The following LMTK2 variants were observed in gnomAD, a reference collection of about 807,000 sequenced individuals.
LMTK2 encodes the protein lemur tail kinase 2, also known as serine/threonine-protein kinase LMTK2.
Under a neutral mutation model 127.5 loss-of-function variants are expected in LMTK2, and 37 were observed. The ratio of observed to expected loss-of-function variants is 0.29; its 90% CI spans 0.22 to 0.38. The LOEUF (loss-of-function observed/expected upper bound fraction) is 0.38, where lower values mean the gene tolerates loss of function less well. LMTK2 is among the 10% of genes least tolerant of loss of function. LMTK2 has a pLI of 1.00. For missense variants in LMTK2, 1,694 were observed against 1,920.3 expected (o/e 0.88, Z 2.20); for synonymous variants, 819 against 810.1 (o/e 1.01, Z -0.19).
chr7:98,202,798 TCGG>T (rs757979112), intron 11 of LMTK2, among the ~76,000 whole-genome samples: 61 of 152,308 alleles, frequency 4.0e-4, no homozygotes, highest in Non-Finnish European at 7.2e-4. Flanking sequence ...AGCAACTTCA[TCGG>T]GTCACCTTTT....
At chr7:98,197,680 G>A (rs79364483) in intron 11 of LMTK2, among the ~76,000 whole-genome samples, 8,576 of 151,814 alleles carry the variant, frequency 0.056, 595 homozygotes, top group East Asian at 0.33. Context: ...AATAAGAACC[G>A]ATTTTTAAAA....
chr7:98,203,829 C>T, intron 12 of LMTK2, 115 bp from the exon 13 acceptor site: 1 of 1,572,724 alleles, frequency 6.4e-7, no homozygotes. Context: ...GAACTGCCAT[C>T]TGCCAGCCGG....
intron 3 of LMTK2, among the ~76,000 whole-genome samples, chr7:98,145,300 A>G (rs1306752591): frequency 6.6e-6 from 1 of 151,932 alleles, no homozygotes; most frequent in Non-Finnish European, 1.5e-5. Flanking sequence ...AATCAATCAC[A>G]CATACAAAAA....
At chr7:98,135,007 T>C (rs1395370652) in intron 1 of LMTK2, among the ~76,000 whole-genome samples, 3 of 152,236 alleles carry the variant, frequency 2.0e-5, no homozygotes, top group African/African-American at 7.2e-5. Flanking sequence ...ACTGTATTAT[T>C]CTTAAGCACA....
At position 98,186,981 on chromosome 7, in the gene LMTK2, T is replaced by C; in HGVS notation, c.981T>C (p.Thr327=). The change falls in exon 9 of 14, where the codon ACT becomes ACC. Residue 327 remains threonine, a synonymous_variant. Coordinates refer to ENST00000297293, the MANE Select transcript of LMTK2 (RefSeq NM_014916.4). ...ACAGACTGCTAACTGCAGATCAGAC[T>C]AAGTATAGTAATATCTGGTACGTAT... ...FQDRLLTADQ[T]KYSNIWSLGV... 6.2e-7 allele frequency: 1 copy of C among 1,613,560 alleles called. No homozygotes were observed. The highest frequency in any genetic ancestry group is 8.5e-7 in the Non-Finnish European group (1 of 1,179,686).
rs141683058 is a variant in LMTK2, at chr7:98,204,091, C to T, written c.4388C>T (p.Pro1463Leu). 335 of 1,613,544 alleles carry T rather than the reference C, an allele frequency of 2.1e-4. 2 individuals are homozygous for T. The highest frequency in any genetic ancestry group is 1.6e-4 in the Middle Eastern group (1 of 6,062). Residue 1463 changes from proline to leucine, a missense_variant, in exon 13 of 14, where the codon CCG becomes CTG. Physicochemically the swap from Pro to Leu is moderately conservative, Grantham distance 98. Transcript: ENST00000297293. ...PPARSTEQSW[P>L]HSAPYSRFSI... The stretch of plus-strand genomic sequence containing the variant: ...GCCCGGAGCACGGAGCAGAGCTGGC[C>T]GCACTCGGCGCCTTACTCCCGGTTC...
chr7:98,177,619 C>G (rs1797296324), intron 7 of LMTK2, among the ~76,000 whole-genome samples: 2 of 152,236 alleles, frequency 1.3e-5, no homozygotes, highest in South Asian at 2.1e-4. Context: ...CCTCTTGTCT[C>G]AGCCTCGCAG....
chr7:98,156,218 G>A (rs1400322055), intron 5 of LMTK2, among the ~76,000 whole-genome samples: 1 of 152,214 alleles, frequency 6.6e-6, no homozygotes, highest in Non-Finnish European at 1.5e-5. Flanking sequence ...TGTAATCCCA[G>A]TACTTGGAAG....
intron 6 of LMTK2, among the ~76,000 whole-genome samples, chr7:98,169,395 T>C (rs1024597353): frequency 2.6e-5 from 4 of 152,254 alleles, no homozygotes; most frequent in Non-Finnish European, 5.9e-5. Flanking sequence ...ATACTTTAGA[T>C]ACCCTTGAGA....
At chr7:98,167,023 T>C (rs1314253240) in intron 6 of LMTK2, among the ~76,000 whole-genome samples, 4 of 152,350 alleles carry the variant, frequency 2.6e-5, no homozygotes. Flanking sequence ...AGCTTTAATG[T>C]CCAGAGTAAT....
intron 3 of LMTK2, 150 bp downstream of exon 3, chr7:98,141,691 C>T: frequency 2.6e-6 from 2 of 782,878 alleles, no homozygotes; most frequent in South Asian, 1.7e-5. Flanking sequence ...TTCTAGTGGT[C>T]AGGCCCATTG....
chr7:98,196,375 G>C (rs946890095), intron 11 of LMTK2, among the ~76,000 whole-genome samples: 3 of 152,212 alleles, frequency 2.0e-5, no homozygotes, highest in Admixed American at 2.0e-4. Context: ...AAGAGTGGAA[G>C]GGAGAAGGGA....
At chr7:98,173,659 T>TA (rs1247102692) in intron 7 of LMTK2, among the ~76,000 whole-genome samples, 5 of 152,222 alleles carry the variant, frequency 3.3e-5, no homozygotes, top group Non-Finnish European at 7.3e-5. Flanking sequence ...AGTTTCAAGT[T>TA]AAAGTTTTAC....
intron 7 of LMTK2, among the ~76,000 whole-genome samples, chr7:98,183,735 G>A (rs188234885): frequency 3.6e-4 from 55 of 151,854 alleles, no homozygotes; most frequent in Non-Finnish European, 6.8e-4. Context: ...GGATTTTGCC[G>A]TGTTGGCCAG....
At position 98,192,760 on chromosome 7, in the gene LMTK2, C is replaced by T; in HGVS notation, c.2295C>T (p.Asn765=). The T allele has an allele frequency of 6.2e-7, 1 of 1,613,672 alleles. No homozygotes were observed. The stretch of plus-strand genomic sequence containing the variant: ...CTATGTTAGAAACGTCATGTAGAAA[C>T]TCTTTAGATACTGAGCTTCAGTTTG... ...TEAMLETSCR[N]SLDTELQFAE... The change falls in exon 11 of 14, where the codon AAC becomes AAT. Residue 765 remains asparagine, a synonymous_variant. Coordinates refer to ENST00000297293, the MANE Select transcript of LMTK2 (RefSeq NM_014916.4).
At chr7:98,120,976 A>G (rs1316124096) in intron 1 of LMTK2, among the ~76,000 whole-genome samples, 1 of 152,228 alleles carries the variant, frequency 6.6e-6, no homozygotes, top group African/African-American at 2.4e-5. Flanking sequence ...GATCACCAAC[A>G]TTAACCGTAT....
chr7:98,107,281 G>C lies in LMTK2; in HGVS notation c.103+1G>C. ...GCGCCACTTCCGCAAACAGGTGCAG[G>C]TGAGCGGGCCCGCGGCGGGGACGGG... On this transcript the variant is annotated splice_donor_variant, in intron 1 of 13. Transcript: ENST00000297293. LOFTEE classifies it high-confidence loss of function. The C allele has an allele frequency of 7.3e-7, 1 of 1,374,494 alleles. No homozygotes were observed. Among genetic ancestry groups the C allele is most frequent in the Non-Finnish European group, 9.4e-7 (1 of 1,067,730 alleles). The allele number at this position is 1,374,494 out of a possible 1,614,324, so 85.1% of individuals were successfully genotyped here.
At chr7:98,136,382 A>C (rs889709594) in intron 1 of LMTK2, among the ~76,000 whole-genome samples, 1 of 152,258 alleles carries the variant, frequency 6.6e-6, no homozygotes, top group Admixed American at 6.5e-5. Context: ...TGCTGTAGGC[A>C]AGATGCCCTG....
At chr7:98,205,323 C>T in intron 13 of LMTK2, 141 bp from the exon 14 acceptor site, 2 of 949,968 alleles carry the variant, frequency 2.1e-6, no homozygotes, top group Non-Finnish European at 3.2e-6. Context: ...AAGGAAAGGA[C>T]AGGAAGGGCG....
Sources: gnomAD v4.1 joint callset for allele counts (sites outside exome capture counted in the v4.1 genomes callset) on GRCh38, gnomAD v4.1.1 for gene constraint, MANE v1.5 for transcripts, NCBI Gene and HGNC (gene_info 2026-07-23, HGNC 2026-07-21) for gene names.